Variants in WT1 observed in about 807,000 individuals in gnomAD.
The protein encoded by WT1 is Wilms tumor protein.
In WT1, 8 loss-of-function variants were observed where a neutral mutation model predicts 60.8. That is an observed-to-expected ratio of 0.13 (90% CI 0.08 to 0.24). The LOEUF (loss-of-function observed/expected upper bound fraction) is 0.24. Among genes scored for constraint, WT1 ranks in the 10% least tolerant of loss-of-function variants. WT1 has a pLI of 1.00. For synonymous variants in WT1, 312 were observed against 297.1 expected (o/e 1.05, Z -0.52); for missense variants, 568 against 711.8 (o/e 0.80, Z 2.30).
intron 1 of WT1, chr11:32,430,639 C>T (rs1342003623): frequency 6.6e-7 from 1 of 1,515,934 alleles, no homozygotes; most frequent in Middle Eastern, 1.9e-4. Context: ...GGTCCCGAGT[C>T]GCGGCACCCA....
intron 6 of WT1, among the ~76,000 whole-genome samples, chr11:32,398,069 G>A (rs948423793): frequency 4.6e-5 from 7 of 152,166 alleles, no homozygotes; most frequent in Admixed American, 6.5e-5. Context: ...GATTGTATTC[G>A]TCAGGGGAGA....
intron 4 of WT1, among the ~76,000 whole-genome samples, chr11:32,416,956 T>C (rs1209921782): frequency 2.6e-5 from 4 of 152,206 alleles, no homozygotes; most frequent in Non-Finnish European, 5.9e-5. Flanking sequence ...ACTGCCCATC[T>C]CTTCACACTT....
intron 1 of WT1, chr11:32,428,975 C>A (rs549715605): frequency 1.4e-5 from 5 of 366,964 alleles, no homozygotes; most frequent in East Asian, 6.2e-5. Flanking sequence ...GTTCACCCCC[C>A]AAAAATAAAC....
At chr11:32,394,762 A>G (rs1221601642) in intron 7 of WT1, among the ~76,000 whole-genome samples, 6 of 152,220 alleles carry the variant, frequency 3.9e-5, no homozygotes, top group Non-Finnish European at 8.8e-5. Flanking sequence ...CATCTTCTGC[A>G]AGGAAGAGTT....
chr11:32,403,135 T>G (rs911229236), intron 5 of WT1, among the ~76,000 whole-genome samples: 3 of 151,682 alleles, frequency 2.0e-5, no homozygotes, highest in African/African-American at 7.3e-5. Flanking sequence ...GCCAGTGGAT[T>G]CTCCTACAAG....
intron 5 of WT1, among the ~76,000 whole-genome samples, chr11:32,413,537 T>C (rs538678425): frequency 3.3e-5 from 5 of 152,234 alleles, no homozygotes; most frequent in Non-Finnish European, 7.3e-5. Flanking sequence ...TTCATGAGTT[T>C]GGAGGAGACA....
At chr11:32,415,367 G>A (rs1852632653) in intron 5 of WT1, among the ~76,000 whole-genome samples, 1 of 152,214 alleles carries the variant, frequency 6.6e-6, no homozygotes, top group African/African-American at 2.4e-5. Flanking sequence ...CAGGTAGAAA[G>A]GCCAGGCACG....
At chr11:32,422,335 T>G (rs935829224) in intron 3 of WT1, among the ~76,000 whole-genome samples, 2 of 152,232 alleles carry the variant, frequency 1.3e-5, no homozygotes, top group Admixed American at 6.5e-5. Context: ...TGGAACTAGA[T>G]TTTTCCTCCT....
chr11:32,434,546 C>A lies in WT1; in HGVS notation c.661+154G>T, dbSNP rs1853422469. ...TGCGTGCACTCCCACTCTCCGGCCT[C>A]CTCCCCAGCCGCCGCTTCCGCTATC... On this transcript the variant is annotated intron_variant, in intron 1 of 9. Transcript: ENST00000452863. Among the ~76,000 whole-genome samples, 3 of 152,230 alleles carry A rather than the reference C, an allele frequency of 2.0e-5. No individual in the cohort carries two copies. The South Asian group carries it at 6.2e-4, about 32-fold the overall frequency.
chr11:32,400,199 G>C, intron 5 of WT1, 155 bp from the exon 6 acceptor site: 1 of 881,476 alleles, frequency 1.1e-6, no homozygotes, highest in Non-Finnish European at 1.8e-6. Flanking sequence ...TTAGATGCAG[G>C]GTTCTGCGGA....
intron 1 of WT1, 89 bp downstream of exon 1, chr11:32,434,611 C>G: frequency 1.3e-6 from 2 of 1,596,168 alleles, no homozygotes; most frequent in African/African-American, 2.7e-5. Context: ...GAGCTGCGGT[C>G]AAAAGGGGTA....
At chr11:32,428,169 C>T (rs1853127201) in intron 2 of WT1, 111 bp from the exon 3 acceptor site, 4 of 1,058,332 alleles carry the variant, frequency 3.8e-6, no homozygotes, top group African/African-American at 1.6e-5. Flanking sequence ...GGCACTGGGG[C>T]CTGGATGAGC....
In WT1 at chr11:32,431,542, T is replaced by C. The variant is rs549940294; in HGVS notation, c.662-2923A>G. 4.8e-4 allele frequency among the ~76,000 whole-genome samples: 73 copies of C among 151,596 alleles called. 1 individual carries two copies. Among genetic ancestry groups the C allele is most frequent in the African/African-American group, 1.4e-3 (59 of 41,242 alleles). On this transcript the variant is annotated intron_variant, in intron 1 of 9. Transcript: ENST00000452863. ...ACCTCAGCCTCCCGGGTTCAAACGA[T>C]TCTTGTGCCTCAGCCTCCCGAGTAG...
intron 5 of WT1, among the ~76,000 whole-genome samples, chr11:32,402,599 G>A (rs888126436): frequency 3.9e-5 from 6 of 152,242 alleles, no homozygotes; most frequent in Non-Finnish European, 8.8e-5. Context: ...AGGCTGGAAT[G>A]TAGTGGTGCG....
intron 5 of WT1, among the ~76,000 whole-genome samples, chr11:32,403,781 T>G (rs1852228849): frequency 6.6e-6 from 1 of 151,872 alleles, no homozygotes; most frequent in Admixed American, 6.6e-5. Context: ...TTCAACGTGT[T>G]GCAGGATGGT....
chr11:32,393,018 A>G (rs1851863879), intron 7 of WT1, among the ~76,000 whole-genome samples: 1 of 151,982 alleles, frequency 6.6e-6, no homozygotes, highest in Non-Finnish European at 1.5e-5. Context: ...TCTTTATTGT[A>G]AAATGGGTCC....
At chr11:32,418,046 C>T (rs1460362585) in intron 3 of WT1, among the ~76,000 whole-genome samples, 3 of 151,756 alleles carry the variant, frequency 2.0e-5, no homozygotes, top group Admixed American at 1.3e-4. Context: ...ATTAATTATT[C>T]GTGAAAAGGC....
chr11:32,404,572 A>G (rs1307628203), intron 5 of WT1, among the ~76,000 whole-genome samples: 1 of 152,144 alleles, frequency 6.6e-6, no homozygotes, highest in African/African-American at 2.4e-5. Flanking sequence ...ACTCTGTGCT[A>G]GAAGCCACTC....
intron 5 of WT1, among the ~76,000 whole-genome samples, chr11:32,405,477 A>G (rs890832895): frequency 4.0e-5 from 6 of 148,970 alleles, no homozygotes; most frequent in Non-Finnish European, 8.9e-5. Flanking sequence ...TTTAATATAC[A>G]TATATGTTAT....
Sources: gnomAD v4.1 joint callset for allele counts (sites outside exome capture counted in the v4.1 genomes callset) on GRCh38, gnomAD v4.1.1 for gene constraint, MANE v1.5 for transcripts, NCBI Gene and HGNC (gene_info 2026-07-23, HGNC 2026-07-21) for gene names.